Variants in ZFAND4 observed in about 807,000 individuals in gnomAD.
The protein encoded by ZFAND4 is zinc finger AN1-type containing 4, also known as AN1-type zinc finger protein 4.
In ZFAND4, 43 loss-of-function variants were observed where a neutral mutation model predicts 64.4. The ratio of observed to expected loss-of-function variants is 0.67; its 90% confidence interval spans 0.52 to 0.86. The LOEUF is 0.86. Ranked by LOEUF, ZFAND4 falls within the 40% of genes least tolerant of loss-of-function variation. The probability of loss-of-function intolerance (pLI) is 0.00; values close to 1 mark genes in which losing one functional copy is unlikely to be tolerated. For missense variants in ZFAND4, 929 were observed against 859.8 expected (o/e 1.08, Z -1.01); for synonymous variants, 296 against 305.7 (o/e 0.97, Z 0.33).
At chr10:45,658,844 G>A (rs2133830586) in intron 2 of ZFAND4, among the ~76,000 whole-genome samples, 2 of 152,332 alleles carry the variant, frequency 1.3e-5, no homozygotes, top group South Asian at 2.1e-4. Context: ...CCTAGTTTCA[G>A]CTCTGATATA....
chr10:45,658,827 T>C (rs563766806), intron 2 of ZFAND4, among the ~76,000 whole-genome samples: 39 of 152,342 alleles, frequency 2.6e-4, no homozygotes, highest in African/African-American at 8.4e-4. Flanking sequence ...TTTAAGAAGT[T>C]GAGACTCCTA....
chr10:45,629,973 A>C (rs1230539370), intron 6 of ZFAND4, among the ~76,000 whole-genome samples: 1 of 152,130 alleles, frequency 6.6e-6, no homozygotes, highest in South Asian at 2.1e-4. Context: ...TGAAATAAGA[A>C]ACTTACTTCC....
At chr10:45,670,777 G>C (rs536704750) in intron 1 of ZFAND4, among the ~76,000 whole-genome samples, 3 of 152,142 alleles carry the variant, frequency 2.0e-5, no homozygotes. Context: ...GCATGAGCAC[G>C]GACTTCATGA....
At chr10:45,631,270 T>A (rs2046199985) in intron 6 of ZFAND4, among the ~76,000 whole-genome samples, 1 of 146,626 alleles carries the variant, frequency 6.8e-6, no homozygotes, top group Non-Finnish European at 1.5e-5. Flanking sequence ...TGCGCCGAGA[T>A]CATGCCACTG....
intron 6 of ZFAND4, among the ~76,000 whole-genome samples, chr10:45,628,727 C>T (rs2046003120): frequency 6.6e-6 from 1 of 151,904 alleles, no homozygotes; most frequent in East Asian, 1.9e-4. Context: ...AGAAAAACTA[C>T]ACAGATCAAC....
chr10:45,624,553 G>A (rs2045659124), intron 8 of ZFAND4, 30 bp downstream of exon 8: 10 of 1,604,498 alleles, frequency 6.2e-6, no homozygotes, highest in Non-Finnish European at 8.5e-6. Flanking sequence ...TATCAGCCTT[G>A]TATTGTTTTC....
At chr10:45,643,941 A>T (rs942034436) in intron 5 of ZFAND4, among the ~76,000 whole-genome samples, 1 of 152,222 alleles carries the variant, frequency 6.6e-6, no homozygotes, top group African/African-American at 2.4e-5. Context: ...GTATTTCATA[A>T]CAAATGAAAA....
rs966747731 is a variant in ZFAND4 at position 45,618,263 on chromosome 10, G to A, written c.1928-3C>T. On this transcript the variant is annotated splice_region_variant and splice_polypyrimidine_tract_variant and intron_variant, in intron 8 of 9. Coordinates refer to ENST00000344646, the MANE Select transcript of ZFAND4 (RefSeq NM_174890.4). ...GAGGTGATGAGTAGTACATTCTCCT[G>A]TTTAGAGAAAGGACACCTTGATTAA... The A allele has an allele frequency of 1.2e-6, 2 of 1,609,158 alleles. No homozygotes were observed. Among genetic ancestry groups the A allele is most frequent in the Non-Finnish European group, 1.7e-6 (2 of 1,178,700 alleles).
At chr10:45,621,120 G>C (rs533564285) in intron 8 of ZFAND4, among the ~76,000 whole-genome samples, 1 of 152,258 alleles carries the variant, frequency 6.6e-6, no homozygotes, top group Non-Finnish European at 1.5e-5. Context: ...TGTTCCAGAC[G>C]CAAGGCTGGT....
chr10:45,630,595 G>C (rs2046136981), intron 6 of ZFAND4, among the ~76,000 whole-genome samples: 1 of 151,974 alleles, frequency 6.6e-6, no homozygotes, highest in Non-Finnish European at 1.5e-5. Flanking sequence ...GGGCGTGGTG[G>C]CAGGCACCTG....
intron 2 of ZFAND4, among the ~76,000 whole-genome samples, chr10:45,657,127 C>A (rs1450587901): frequency 6.6e-6 from 1 of 151,908 alleles, no homozygotes; most frequent in Non-Finnish European, 1.5e-5. Flanking sequence ...GATCCTCCCA[C>A]CTCAGCCTCC....
chr10:45,640,353 A>C (rs1335998751), intron 5 of ZFAND4: 1 of 1,276,888 alleles, frequency 7.8e-7, no homozygotes, highest in Admixed American at 2.5e-5. Context: ...GATTTCCATG[A>C]ATCAGAATTT....
chr10:45,645,921 A>G (rs758707636), intron 5 of ZFAND4, among the ~76,000 whole-genome samples: 2 of 152,188 alleles, frequency 1.3e-5, no homozygotes, highest in East Asian at 1.9e-4. Context: ...AAAATGATCA[A>G]TATGTTCAAT....
chr10:45,639,908 A>T lies in ZFAND4; in HGVS notation c.625T>A (p.Ser209Thr). The part of the protein sequence containing the change: ...TDEDEETEPS[S>T]SGQQIIENSI... ...TTTTCAATTATCTGTTGCCCAGAAG[A>T]AGAAGGCTCAGTTTCTTCATCCTCA... The change falls in exon 6 of 10, where the codon TCT becomes ACT. Residue 209 changes from serine to threonine, a missense_variant. By Grantham distance (58) the Ser-to-Thr change is moderately conservative. Coordinates refer to ENST00000344646, the MANE Select transcript of ZFAND4 (RefSeq NM_174890.4). The T allele has an allele frequency of 1.2e-6, 2 of 1,613,608 alleles. No homozygotes were observed. Among genetic ancestry groups the T allele is most frequent in the Non-Finnish European group, 8.5e-7 (1 of 1,179,950 alleles).
chr10:45,623,873 C>T (rs1447918729), intron 8 of ZFAND4, among the ~76,000 whole-genome samples: 1 of 152,092 alleles, frequency 6.6e-6, no homozygotes, highest in East Asian at 1.9e-4. Context: ...GAAAAACAAA[C>T]CCTAAATGTC....
At chr10:45,653,907 G>A (rs1295147476) in intron 2 of ZFAND4, among the ~76,000 whole-genome samples, 1 of 152,128 alleles carries the variant, frequency 6.6e-6, no homozygotes, top group Non-Finnish European at 1.5e-5. Flanking sequence ...CAAAAGAGAT[G>A]AAATCAATCA....
At chr10:45,637,882 A>G (rs1293070150) in intron 6 of ZFAND4, among the ~76,000 whole-genome samples, 1 of 152,230 alleles carries the variant, frequency 6.6e-6, no homozygotes, top group African/African-American at 2.4e-5. Context: ...CAACCCATAT[A>G]TCTGACAAAG....
intron 8 of ZFAND4, among the ~76,000 whole-genome samples, chr10:45,620,435 C>G (rs1324213084): frequency 6.6e-6 from 1 of 152,050 alleles, no homozygotes; most frequent in African/African-American, 2.4e-5. Context: ...GAGCCGAGAT[C>G]GTGCCACTGC....
At chr10:45,624,477 A>G (rs1364377280) in intron 8 of ZFAND4, 106 bp downstream of exon 8, 5 of 968,404 alleles carry the variant, frequency 5.2e-6, no homozygotes, top group South Asian at 4.3e-5. Context: ...TTTACTCTGT[A>G]CATGCCACAG....
Sources: allele counts gnomAD v4.1 joint callset (sites outside exome capture counted in the v4.1 genomes callset), GRCh38; gene constraint gnomAD v4.1.1; transcripts MANE v1.5; gene names NCBI Gene and HGNC (gene_info 2026-07-23, HGNC 2026-07-21).